NKX1-2: variants seen among roughly 807,000 people sequenced by gnomAD.
The protein encoded by NKX1-2 is NK1 transcription factor-related protein 2.
A neutral mutation model predicts 4.4 loss-of-function variants in NKX1-2; 1 was observed. The ratio of observed to expected loss-of-function variants is 0.23; its 90% CI spans 0.08 to 1.08. NKX1-2 has a LOEUF of 1.08. Among genes scored for constraint, NKX1-2 ranks in the 50% least tolerant of loss-of-function variants. The pLI, the probability that NKX1-2 is intolerant of heterozygous loss-of-function variation, is 0.55. For synonymous variants in NKX1-2, 235 were observed against 228.0 expected (o/e 1.03, Z -0.28); for missense variants, 503 against 464.6 (o/e 1.08, Z -0.76).
chr10:124,448,482 T>A lies in NKX1-2; in HGVS notation c.215-335A>T, dbSNP rs1952266933. On this transcript the variant is annotated intron_variant, in intron 1 of 1. Transcript: ENST00000451024. The surrounding 1 kb of genome is among the most constrained non-coding windows in gnomAD (Gnocchi z 4.1). ...ATTAAGACATCTAGATGTCAAACGC[T>A]TTTAGGGCTGTGCCTTCCCCAGACC... The A allele has an allele frequency of 9.5e-6, 2 of 209,736 alleles. No individual in the cohort carries two copies. Among genetic ancestry groups the A allele is most frequent in the African/African-American group, 2.3e-5 (1 of 43,656 alleles). 13.0% of individuals were successfully genotyped at this position (209,736 alleles called of 1,614,324 possible).
In NKX1-2 at chr10:124,449,976, CG is replaced by C. The variant is rs1952281214; in HGVS notation, c.-34del. 1 of 1,467,108 alleles carries C rather than the reference CG, an allele frequency of 6.8e-7. No individual in the cohort carries two copies. The highest frequency in any genetic ancestry group is 9.1e-7 in the Non-Finnish European group (1 of 1,097,716). The allele number at this position is 1,467,108 out of a possible 1,614,324, so 90.9% of individuals were successfully genotyped here. On this transcript the variant is annotated 5_prime_UTR_variant, in exon 1 of 2. Transcript: ENST00000451024. This position sits in a 1 kb window ranked among gnomAD's most constrained non-coding sequence, Gnocchi z 7.5. Reference sequence around the variant, plus strand: ...GCCCACGGGCCGGCGGTCGGCGGCGCGGGGTTGGGGATGGCGCCGCTCGGGC... The same window carrying C: ...GCCCACGGGCCGGCGGTCGGCGGCGCGGGTTGGGGATGGCGCCGCTCGGGC...
In NKX1-2 at chr10:124,449,650, A is replaced by G. The variant is rs879073433; in HGVS notation, c.214+80T>C. On this transcript the variant is annotated intron_variant, in intron 1 of 1. Transcript: ENST00000451024. The surrounding 1 kb of genome is among the most constrained non-coding windows in gnomAD (Gnocchi z 7.5). ...AGGAAGACGCTGTTAAGGGCCACTC[A>G]CCGGGCCCGGCTGTTCCCCCATACA... 27 of 1,089,958 alleles carry G rather than the reference A, an allele frequency of 2.5e-5. No homozygotes were observed. The South Asian group carries it at 3.6e-4, about 15-fold the overall frequency. 67.5% of individuals were successfully genotyped at this position (1,089,958 alleles called of 1,614,324 possible).
rs1021101453 is a variant in NKX1-2 at position 124,447,616 on chromosome 10, G to C, written c.746C>G (p.Ser249Trp). 1 of 1,279,584 alleles carries C rather than the reference G, an allele frequency of 7.8e-7. No homozygotes were observed. The highest frequency in any genetic ancestry group is 9.9e-7 in the Non-Finnish European group (1 of 1,015,162). 79.3% of individuals were successfully genotyped at this position (1,279,584 alleles called of 1,614,324 possible). ...GCCGGGAGGGCCAGGACTGCCCCCCGAGCCGCCGCCGCCGCCGCCCCCCGC... is the reference window on the plus strand; with the variant it reads ...GCCGGGAGGGCCAGGACTGCCCCCCCAGCCGCCGCCGCCGCCGCCCCCCGC... ...GAAGGGGGGG[S>W]GGSPGPPGTG... The change falls in exon 2 of 2, where the codon TCG becomes TGG. Residue 249 changes from serine (S) to tryptophan (W), a missense_variant. Transcript: ENST00000451024.
Position 124,449,560 on chromosome 10 carries a change from C to T in NKX1-2, c.214+170G>A. Reference sequence around the variant, plus strand: ...CCCTGTAATGCGGGGAGCCTCCTCTCTGCCTCTATCCAAGTCCGAGGCGGG... The same window carrying T: ...CCCTGTAATGCGGGGAGCCTCCTCTTTGCCTCTATCCAAGTCCGAGGCGGG... On this transcript the variant is annotated intron_variant, in intron 1 of 1. Coordinates refer to ENST00000451024, the MANE Select transcript of NKX1-2 (RefSeq NM_001146340.3). The surrounding 1 kb of genome is among the most constrained non-coding windows in gnomAD (Gnocchi z 7.5). The T allele has an allele frequency of 1.4e-6, 1 of 706,270 alleles. No homozygotes were observed. The highest frequency in any genetic ancestry group is 2.6e-6 in the Non-Finnish European group (1 of 389,264). 43.8% of individuals were successfully genotyped at this position (706,270 alleles called of 1,614,324 possible). A position where few individuals can be genotyped will look rare whatever the true frequency, so the allele number is the denominator to read the frequency against.
Position 124,448,064 on chromosome 10 carries a change from T to C in NKX1-2, c.298A>G (p.Arg100Gly), listed in dbSNP as rs1952262911. 14 of 1,521,216 alleles carry C rather than the reference T, an allele frequency of 9.2e-6. No homozygotes were observed. Among genetic ancestry groups the C allele is most frequent in the Non-Finnish European group, 1.1e-5 (13 of 1,139,718 alleles). 94.2% of individuals were successfully genotyped at this position (1,521,216 alleles called of 1,614,324 possible). A position where few individuals can be genotyped will look rare whatever the true frequency, so the allele number is the denominator to read the frequency against. Reference sequence around the variant, plus strand: ...GCAGCCCGCTCCCGCAGCCGCGGCCTCCTCGGATCCTCCGCATCCTCCTCC... The same window carrying C: ...GCAGCCCGCTCCCGCAGCCGCGGCCCCCTCGGATCCTCCGCATCCTCCTCC... ...EEEEDAEDPR[R>G]PRLRERAARL... The change falls in exon 2 of 2, where the codon AGG (arginine) becomes GGG (glycine). Residue 100 changes from arginine (R) to glycine (G), a missense_variant. Coordinates refer to ENST00000451024, the MANE Select transcript of NKX1-2 (RefSeq NM_001146340.3). The surrounding 1 kb of genome is among the most constrained non-coding windows in gnomAD (Gnocchi z 4.1).
Position 124,449,538 on chromosome 10 carries a change from T to A in NKX1-2, c.214+192A>T, listed in dbSNP as rs559149173. 37 of 701,334 alleles carry A rather than the reference T, an allele frequency of 5.3e-5. No individual in the cohort carries two copies. In the East Asian group the frequency reaches 9.7e-4, roughly 18 times the overall value. The allele number at this position is 701,334 out of a possible 1,614,324, so 43.4% of individuals were successfully genotyped here. A position where few individuals can be genotyped will look rare whatever the true frequency, so the allele number is the denominator to read the frequency against. On this transcript the variant is annotated intron_variant, in intron 1 of 1. Transcript: ENST00000451024. The surrounding 1 kb of genome is among the most constrained non-coding windows in gnomAD (Gnocchi z 7.5). ...GCAGGGATGCGGCAAATCCCTGCCC[T>A]GTAATGCGGGGAGCCTCCTCTCTGC...
rs866187969 is a variant in NKX1-2 at position 124,449,582 on chromosome 10, C to T, written c.214+148G>A. ...TCTCTGCCTCTATCCAAGTCCGAGG[C>T]GGGGGCTACACTTCGCACCCGGTCC... On this transcript the variant is annotated intron_variant, in intron 1 of 1. Coordinates refer to ENST00000451024, the MANE Select transcript of NKX1-2 (RefSeq NM_001146340.3). The surrounding 1 kb of genome is among the most constrained non-coding windows in gnomAD (Gnocchi z 7.5). 4.2e-6 allele frequency: 3 copies of T among 719,646 alleles called. No homozygotes were observed. The highest frequency in any genetic ancestry group is 1.5e-5 in the South Asian group (1 of 67,170). The allele number at this position is 719,646 out of a possible 1,614,324, so 44.6% of individuals were successfully genotyped here. A position where few individuals can be genotyped will look rare whatever the true frequency, so the allele number is the denominator to read the frequency against.
In NKX1-2 at chr10:124,447,334, C is replaced by T. The variant is rs1448538763; in HGVS notation, c.*95G>A. 4 of 973,612 alleles carry T rather than the reference C, an allele frequency of 4.1e-6. No individual in the cohort carries two copies. Among genetic ancestry groups the T allele is most frequent in the Non-Finnish European group, 5.4e-6 (4 of 738,734 alleles). 60.3% of individuals were successfully genotyped at this position (973,612 alleles called of 1,614,324 possible). A position where few individuals can be genotyped will look rare whatever the true frequency, so the allele number is the denominator to read the frequency against. ...CGCGGCGGGCAGGGGTGCGCTGACA[C>T]CCGCGCACCTGCACCCCCGGTGGAG... On this transcript the variant is annotated 3_prime_UTR_variant, in exon 2 of 2. Coordinates refer to ENST00000451024, the MANE Select transcript of NKX1-2 (RefSeq NM_001146340.3).
rs532957591 is a variant in NKX1-2 at position 124,447,839 on chromosome 10, G to A, written c.523C>T (p.Leu175=). ...RARTAFTYEQ[L]VALENKFRAT... is the part of the protein sequence containing the mutation. ...CGGAACTTGTTCTCCAAGGCCACCAGCTGCTCGTAGGTGAAGGCGGTGCGC... is the reference window on the plus strand; with the variant it reads ...CGGAACTTGTTCTCCAAGGCCACCAACTGCTCGTAGGTGAAGGCGGTGCGC... The change falls in exon 2 of 2, where the codon CTG becomes TTG. Residue 175 remains leucine, a synonymous_variant. Coordinates refer to ENST00000451024, the MANE Select transcript of NKX1-2 (RefSeq NM_001146340.3). 8.8e-6 allele frequency: 13 copies of A among 1,472,472 alleles called. No homozygotes were observed. The South Asian group carries it at 1.7e-4, about 20-fold the overall frequency. The allele number at this position is 1,472,472 out of a possible 1,614,324, so 91.2% of individuals were successfully genotyped here.
Position 124,448,124 on chromosome 10 carries a change from G to A in NKX1-2, c.238C>T (p.Gln80Ter). 1.3e-6 allele frequency: 2 copies of A among 1,494,610 alleles called. No individual in the cohort carries two copies. The highest frequency in any genetic ancestry group is 1.2e-5 in the South Asian group (1 of 80,566). The allele number at this position is 1,494,610 out of a possible 1,614,324, so 92.6% of individuals were successfully genotyped here. ...TPDAAGPGAG[Q>*]ASPLEGSEAE... The stretch of plus-strand genomic sequence containing the variant: ...TCGGAACCCTCCAGGGGGGACGCCT[G>A]GCCGGCGCCTGGGCCCGCAGCATCT... Residue 80 changes from glutamine (Q) to a stop codon, truncating the protein, a stop_gained, in exon 2 of 2, where the codon CAG becomes TAG. Coordinates refer to ENST00000451024, the MANE Select transcript of NKX1-2 (RefSeq NM_001146340.3). LOFTEE classifies it low-confidence loss of function (END_TRUNC). This position sits in a 1 kb window ranked among gnomAD's most constrained non-coding sequence, Gnocchi z 4.1.
chr10:124,449,696 GGC>G lies in NKX1-2; in HGVS notation c.214+32_214+33del. On this transcript the variant is annotated intron_variant, in intron 1 of 1. Coordinates refer to ENST00000451024, the MANE Select transcript of NKX1-2 (RefSeq NM_001146340.3). This position sits in a 1 kb window ranked among gnomAD's most constrained non-coding sequence, Gnocchi z 7.5. ...ATACACTCCGCATTGTTGGGGCTGA[GGC>G]CTCCTGGGGCCGGGGCCGCCTTGCA... 6.8e-7 allele frequency: 1 copy of G among 1,467,028 alleles called. No individual in the cohort carries two copies. Among genetic ancestry groups the G allele is most frequent in the Non-Finnish European group, 9.3e-7 (1 of 1,071,676 alleles). The allele number at this position is 1,467,028 out of a possible 1,614,324, so 90.9% of individuals were successfully genotyped here. A position where few individuals can be genotyped will look rare whatever the true frequency, so the allele number is the denominator to read the frequency against.
Position 124,448,176 on chromosome 10 carries a change from G to A in NKX1-2, c.215-29C>T, listed in dbSNP as rs990064960. On this transcript the variant is annotated intron_variant, in intron 1 of 1. Coordinates refer to ENST00000451024, the MANE Select transcript of NKX1-2 (RefSeq NM_001146340.3). This position sits in a 1 kb window ranked among gnomAD's most constrained non-coding sequence, Gnocchi z 4.1. ...GGGGAGAAGGGGTCGGTGAACAGAA[G>A]CCTCTCCAGGTCCCCAAACCTCGTC... The A allele has an allele frequency of 3.5e-5, 50 of 1,413,858 alleles. No individual in the cohort carries two copies. The highest frequency in any genetic ancestry group is 4.6e-5 in the Non-Finnish European group (50 of 1,090,704). 87.6% of individuals were successfully genotyped at this position (1,413,858 alleles called of 1,614,324 possible). A position where few individuals can be genotyped will look rare whatever the true frequency, so the allele number is the denominator to read the frequency against.
rs1952233315 is a variant in NKX1-2, at chr10:124,445,843, G to C, written c.*1586C>G. ...AACCATGAAGTCTTCACTTAATTTA[G>C]GAGAAATGGGGAATATTTTCTATCA... On this transcript the variant is annotated 3_prime_UTR_variant, in exon 2 of 2. Coordinates refer to ENST00000451024, the MANE Select transcript of NKX1-2 (RefSeq NM_001146340.3). 3 of 152,078 alleles carry C rather than the reference G, an allele frequency of 2.0e-5. No individual in the cohort carries two copies. The South Asian group carries it at 6.2e-4, about 32-fold the overall frequency. 9.4% of individuals were successfully genotyped at this position (152,078 alleles called of 1,614,324 possible).
In NKX1-2 at chr10:124,449,241, C is replaced by T. The variant is rs1952274023; in HGVS notation, c.214+489G>A. ...GGGCAGCCCAGCCCCGCAGGCGTCT[C>T]CGGGTGGCACCTGACCTCGCTACTC... is the stretch of plus-strand genomic sequence containing the variant. On this transcript the variant is annotated intron_variant, in intron 1 of 1. Coordinates refer to ENST00000451024, the MANE Select transcript of NKX1-2 (RefSeq NM_001146340.3). This position sits in a 1 kb window ranked among gnomAD's most constrained non-coding sequence, Gnocchi z 7.5. 6.6e-6 allele frequency among the ~76,000 whole-genome samples: 1 copy of T among 152,204 alleles called. No individual in the cohort carries two copies. Among genetic ancestry groups the T allele is most frequent in the African/African-American group, 2.4e-5 (1 of 41,460 alleles).
In NKX1-2 at chr10:124,447,012, G is replaced by A. The variant is rs1371427128; in HGVS notation, c.*417C>T. ...ACGAGGAGGGGAAGCTGTCAGTTGTGAACAGAGACTGTTTCTCACCCTCTG... is the reference window on the plus strand; with the variant it reads ...ACGAGGAGGGGAAGCTGTCAGTTGTAAACAGAGACTGTTTCTCACCCTCTG... On this transcript the variant is annotated 3_prime_UTR_variant, in exon 2 of 2. Transcript: ENST00000451024. 1.3e-5 allele frequency: 2 copies of A among 157,960 alleles called. No homozygotes were observed. The highest frequency in any genetic ancestry group is 4.8e-5 in the African/African-American group (2 of 41,730). 9.8% of individuals were successfully genotyped at this position (157,960 alleles called of 1,614,324 possible).
chr10:124,447,832 G>T lies in NKX1-2; in HGVS notation c.530C>A (p.Ala177Asp). ...RTAFTYEQLVALENKFRATRY... is the reference protein window; with the variant it reads ...RTAFTYEQLVDLENKFRATRY... The stretch of plus-strand genomic sequence containing the variant: ...CGTGGCCCGGAACTTGTTCTCCAAG[G>T]CCACCAGCTGCTCGTAGGTGAAGGC... The change falls in exon 2 of 2, where the codon GCC (alanine) becomes GAC (aspartate). Residue 177 changes from alanine to aspartate, a missense_variant. Ala to Asp is a moderately radical substitution (Grantham distance 126). Coordinates refer to ENST00000451024, the MANE Select transcript of NKX1-2 (RefSeq NM_001146340.3). The T allele has an allele frequency of 2.0e-6, 3 of 1,472,412 alleles. No individual in the cohort carries two copies. The highest frequency in any genetic ancestry group is 1.5e-5 in the African/African-American group (1 of 68,326). The allele number at this position is 1,472,412 out of a possible 1,614,324, so 91.2% of individuals were successfully genotyped here. A position where few individuals can be genotyped will look rare whatever the true frequency, so the allele number is the denominator to read the frequency against.
At position 124,448,155 on chromosome 10, in the gene NKX1-2, A is replaced by T; in HGVS notation, c.215-8T>A. On this transcript the variant is annotated splice_polypyrimidine_tract_variant and splice_region_variant and intron_variant, in intron 1 of 1. Coordinates refer to ENST00000451024, the MANE Select transcript of NKX1-2 (RefSeq NM_001146340.3). The surrounding 1 kb of genome is among the most constrained non-coding windows in gnomAD (Gnocchi z 4.1). ...CGCCTGGGCCCGCAGCATCTAGGGGAGAAGGGGTCGGTGAACAGAAGCCTC... is the reference window on the plus strand; with the variant it reads ...CGCCTGGGCCCGCAGCATCTAGGGGTGAAGGGGTCGGTGAACAGAAGCCTC... 6.9e-7 allele frequency: 1 copy of T among 1,457,436 alleles called. No homozygotes were observed. Among genetic ancestry groups the T allele is most frequent in the Non-Finnish European group, 9.0e-7 (1 of 1,112,756 alleles). The allele number at this position is 1,457,436 out of a possible 1,614,324, so 90.3% of individuals were successfully genotyped here. A position where few individuals can be genotyped will look rare whatever the true frequency, so the allele number is the denominator to read the frequency against.
chr10:124,449,734 G>T lies in NKX1-2; in HGVS notation c.210C>A (p.Thr70=), dbSNP rs1298735382. The change falls in exon 1 of 2, where the codon ACC becomes ACA. Residue 70 remains threonine, a synonymous_variant. Coordinates refer to ENST00000451024, the MANE Select transcript of NKX1-2 (RefSeq NM_001146340.3). The surrounding 1 kb of genome is among the most constrained non-coding windows in gnomAD (Gnocchi z 7.5). ...CGGGGCCGCCTTGCATCTTACCAGG[G>T]GTCTCCAGCTGTCGGACAGGGTCCC... ...SSRDPVRQLE[T]PDAAGPGAGQ... 3 of 1,550,172 alleles carry T rather than the reference G, an allele frequency of 1.9e-6. No homozygotes were observed. The East Asian group carries it at 7.3e-5, about 38-fold the overall frequency.
Position 124,449,886 on chromosome 10 carries a change from A to G in NKX1-2, c.58T>C (p.Phe20Leu). 1.3e-6 allele frequency: 2 copies of G among 1,550,900 alleles called. No homozygotes were observed. Among genetic ancestry groups the G allele is most frequent in the Non-Finnish European group, 1.7e-6 (2 of 1,146,416 alleles). ...KAAPSHHKIS[F>L]SVLDILDPQK... ...GGGTCCAGGATGTCCAGGACAGAGA[A>G]AGAAATCTTGTGGTGGGAGGGAGCC... The change falls in exon 1 of 2, where the codon TTC becomes CTC. Residue 20 changes from phenylalanine (F) to leucine (L), a missense_variant. Phe to Leu is a conservative substitution (Grantham distance 22, BLOSUM62 0). Transcript: ENST00000451024. The surrounding 1 kb of genome is among the most constrained non-coding windows in gnomAD (Gnocchi z 7.5).
Sources: gnomAD v4.1 joint callset for allele counts (sites outside exome capture counted in the v4.1 genomes callset) on GRCh38, gnomAD v4.1.1 for gene constraint, Gnocchi (gnomAD v3.1) non-coding constraint, MANE v1.5 for transcripts, NCBI Gene and HGNC (gene_info 2026-07-23, HGNC 2026-07-21) for gene names.